ZNF521: variants seen among roughly 807,000 people sequenced by gnomAD.
ZNF521 encodes LYST-interacting protein 3.
A neutral mutation model predicts 105.5 loss-of-function variants in ZNF521; 14 were observed. The observed-to-expected ratio is 0.13, with a 90% confidence interval of 0.09 to 0.21. The LOEUF is 0.21. Among genes scored for constraint, ZNF521 ranks in the 10% least tolerant of loss-of-function variants. The probability of loss-of-function intolerance (pLI) is 1.00; values close to 1 mark genes in which losing one functional copy is unlikely to be tolerated. For missense variants in ZNF521, 1,233 were observed against 1,629.7 expected, an observed-to-expected ratio of 0.76 and a Z score of 4.19; for synonymous variants, 635 against 606.0, an observed-to-expected ratio of 1.05 and a Z score of -0.70.
chr18:25,066,190 G>T (rs560189049), intron 7 of ZNF521, among the ~76,000 whole-genome samples: 1 of 152,162 alleles, frequency 6.6e-6, no homozygotes, highest in African/African-American at 2.4e-5. Context: ...CTATGGCAGG[G>T]TGTCCCCAGG....
chr18:25,209,040 G>A (rs1402433438), intron 4 of ZNF521, among the ~76,000 whole-genome samples: 1 of 152,100 alleles, frequency 6.6e-6, no homozygotes, highest in East Asian at 1.9e-4. Context: ...TAGATTTAAC[G>A]ATGCCACTCG....
chr18:25,090,288 T>C (rs886643810), intron 6 of ZNF521, among the ~76,000 whole-genome samples: 1 of 152,194 alleles, frequency 6.6e-6, no homozygotes, highest in African/African-American at 2.4e-5. Flanking sequence ...TGGTGCACTG[T>C]GACCTAAAAA....
At chr18:25,179,643 T>C (rs2035597200) in intron 5 of ZNF521, among the ~76,000 whole-genome samples, 1 of 152,328 alleles carries the variant, frequency 6.6e-6, no homozygotes, top group South Asian at 2.1e-4. Flanking sequence ...CAATTACATA[T>C]AAAAGGAGCC....
chr18:25,125,967 C>T (rs1221694380), intron 5 of ZNF521, among the ~76,000 whole-genome samples: 1 of 152,106 alleles, frequency 6.6e-6, no homozygotes, highest in East Asian at 1.9e-4. Context: ...AATATTTGTG[C>T]ACCATATTCC....
chr18:25,073,701 C>A (rs1359432031), intron 7 of ZNF521, among the ~76,000 whole-genome samples: 1 of 152,190 alleles, frequency 6.6e-6, no homozygotes, highest in Non-Finnish European at 1.5e-5. Flanking sequence ...TTCCCTTCAA[C>A]CAAATTCCAA....
intron 2 of ZNF521, among the ~76,000 whole-genome samples, chr18:25,346,171 G>A (rs1056173321): frequency 1.3e-5 from 2 of 151,836 alleles, no homozygotes; most frequent in Non-Finnish European, 2.9e-5. Context: ...ACACAAACTT[G>A]GGGGCTTTTT....
Position 25,227,108 on chromosome 18 carries a change from G to C in ZNF521, c.810C>G (p.Pro270=), listed in dbSNP as rs201299379. 1.5e-5 allele frequency: 24 copies of C among 1,614,000 alleles called. No individual in the cohort carries two copies. Among genetic ancestry groups the C allele is most frequent in the African/African-American group, 1.2e-4 (9 of 74,898 alleles). The change falls in exon 4 of 8, where the codon CCC becomes CCG. Residue 270 remains proline, a synonymous_variant. Coordinates refer to ENST00000361524, the MANE Select transcript of ZNF521 (RefSeq NM_015461.3). This position sits in a 1 kb window ranked among gnomAD's most constrained non-coding sequence, Gnocchi z 5.7. ...DLQKHIAECH[P]ECSPNEDRAA... ...CTCGGTCCTCATTTGGGGAGCATTC[G>C]GGGTGGCACTCTGCAATGTGTTTTT...
intron 5 of ZNF521, among the ~76,000 whole-genome samples, chr18:25,184,247 C>T (rs934385286): frequency 7.9e-5 from 12 of 152,054 alleles, no homozygotes; most frequent in South Asian, 2.1e-4. Context: ...ACAATTATGC[C>T]TTTTAAATAA....
chr18:25,084,404 T>A (rs1237444628), intron 7 of ZNF521, among the ~76,000 whole-genome samples: 1 of 150,968 alleles, frequency 6.6e-6, no homozygotes, highest in Non-Finnish European at 1.5e-5. Flanking sequence ...CCAGTTAAAC[T>A]GTGGTGTGAA....
At chr18:25,168,931 C>T (rs1001669135) in intron 5 of ZNF521, among the ~76,000 whole-genome samples, 3 of 147,820 alleles carry the variant, frequency 2.0e-5, no homozygotes, top group Non-Finnish European at 4.5e-5. Context: ...CTGGGTCCTA[C>T]AATGACTGGT....
intron 5 of ZNF521, among the ~76,000 whole-genome samples, chr18:25,144,649 C>T (rs1600088574): frequency 6.6e-6 from 1 of 151,834 alleles, no homozygotes; most frequent in African/African-American, 2.4e-5. Context: ...CAACTCATTG[C>T]CATGTAGTTA....
chr18:25,209,833 A>G (rs997411743), intron 4 of ZNF521, among the ~76,000 whole-genome samples: 1 of 152,116 alleles, frequency 6.6e-6, no homozygotes, highest in African/African-American at 2.4e-5. Flanking sequence ...ACCTGACACT[A>G]TCTCTGACCT....
chr18:25,188,360 TTTACTGCTATTAATGGCCC>T (rs1243903617), intron 5 of ZNF521, among the ~76,000 whole-genome samples: 7 of 152,172 alleles, frequency 4.6e-5, no homozygotes, highest in African/African-American at 1.2e-4. Flanking sequence ...CTTTCCTTTG[TTTACTGCTATTAATGGCCC>T]TGAAACTAGG....
chr18:25,257,880 G>A (rs1600222966), intron 3 of ZNF521, among the ~76,000 whole-genome samples: 1 of 152,078 alleles, frequency 6.6e-6, no homozygotes, highest in Non-Finnish European at 1.5e-5. Flanking sequence ...CTTCAATTTA[G>A]TTTTCTTTTT....
chr18:25,310,868 T>C (rs1043675900), intron 3 of ZNF521, among the ~76,000 whole-genome samples: 2 of 152,200 alleles, frequency 1.3e-5, no homozygotes, highest in African/African-American at 4.8e-5. Context: ...TTTTCTTCTG[T>C]TCCAAATATA....
In ZNF521 at chr18:25,224,570, T is replaced by C. The variant is rs1390327888; in HGVS notation, c.3348A>G (p.Pro1116=). 6.2e-7 allele frequency: 1 copy of C among 1,613,946 alleles called. No individual in the cohort carries two copies. The highest frequency in any genetic ancestry group is 8.5e-7 in the Non-Finnish European group (1 of 1,180,000). The change falls in exon 4 of 8, where the codon CCA becomes CCG. Residue 1116 remains proline (P), a synonymous_variant. Coordinates refer to ENST00000361524, the MANE Select transcript of ZNF521 (RefSeq NM_015461.3). ...TCAGATTCTCATTCTGGCCCAAGCC[T>C]GGTCTATTCGTGCCGGGAGGGACGT... ...GINVPPGTNR[P]GLGQNENLSA...
chr18:25,188,121 G>A (rs373965420), intron 5 of ZNF521, among the ~76,000 whole-genome samples: 3 of 152,012 alleles, frequency 2.0e-5, no homozygotes, highest in South Asian at 2.1e-4. Context: ...CAGCCCACAC[G>A]GCTGCCCCAT....
At chr18:25,311,622 A>G (rs1912314114) in intron 3 of ZNF521, among the ~76,000 whole-genome samples, 2 of 152,144 alleles carry the variant, frequency 1.3e-5, no homozygotes, top group Non-Finnish European at 2.9e-5. Context: ...AGAGCCCTTC[A>G]TTTATAATTT....
intron 7 of ZNF521, among the ~76,000 whole-genome samples, chr18:25,085,739 C>T (rs957550627): frequency 8.6e-5 from 13 of 150,978 alleles, no homozygotes; most frequent in African/African-American, 2.4e-4. Context: ...TATATATATG[C>T]GCATATATAC....
Sources: gnomAD v4.1 joint callset for allele counts (sites outside exome capture counted in the v4.1 genomes callset) on GRCh38, gnomAD v4.1.1 for gene constraint, Gnocchi (gnomAD v3.1) non-coding constraint, MANE v1.5 for transcripts, NCBI Gene and HGNC (gene_info 2026-07-23, HGNC 2026-07-21) for gene names.